The following MALRD1 variants were observed in gnomAD, a reference collection of about 807,000 sequenced individuals.
MALRD1 encodes the protein MAM and LDL receptor class A domain containing 1.
In MALRD1, 247 loss-of-function variants were observed where a neutral mutation model predicts 242.1. The ratio of observed to expected loss-of-function variants is 1.02; its 90% CI spans 0.92 to 1.13. The LOEUF is 1.13. Ranked by LOEUF, MALRD1 falls within the 50% of genes most tolerant of loss-of-function variation. MALRD1 has a pLI of 0.00. For synonymous variants in MALRD1, 995 were observed against 866.6 expected, an observed-to-expected ratio of 1.15 and a Z score of -2.60; for missense variants, 2,989 against 2,533.1, an observed-to-expected ratio of 1.18 and a Z score of -3.86.
chr10:19,252,849 G>C (rs1380508925), intron 18 of MALRD1, among the ~76,000 whole-genome samples: 1 of 151,968 alleles, frequency 6.6e-6, no homozygotes, highest in East Asian at 1.9e-4. Context: ...CCAAATCTGA[G>C]TTTTATTTCA....
At chr10:19,290,785 T>A (rs1378257207) in intron 21 of MALRD1, among the ~76,000 whole-genome samples, 1 of 152,208 alleles carries the variant, frequency 6.6e-6, no homozygotes, top group Non-Finnish European at 1.5e-5. Flanking sequence ...GATACTTGGA[T>A]CACCTAGAAT....
At chr10:19,516,288 C>T (rs1833623345) in intron 31 of MALRD1, among the ~76,000 whole-genome samples, 1 of 152,126 alleles carries the variant, frequency 6.6e-6, no homozygotes, top group Non-Finnish European at 1.5e-5. Context: ...TGCAAGTGCT[C>T]ATTTTTTTCA....
At chr10:19,684,555 A>G (rs946890981) in intron 36 of MALRD1, among the ~76,000 whole-genome samples, 11 of 152,142 alleles carry the variant, frequency 7.2e-5, no homozygotes, top group Admixed American at 6.5e-4. Flanking sequence ...CAGGATTTTG[A>G]GACCAGCCTG....
In MALRD1 at chr10:19,536,686, T is replaced by TA. The variant is rs894224367; in HGVS notation, c.5478+5345dup. Among the ~76,000 whole-genome samples, 38 of 149,982 alleles carry TA rather than the reference T, an allele frequency of 2.5e-4. No individual in the cohort carries two copies. The South Asian group carries it at 3.6e-3, about 14-fold the overall frequency. ...TTGGTGCTATGACCTTACAAAATAATAAAAAAAAAATTGAGTGACAGTCAG... is the reference window on the plus strand; with the variant it reads ...TTGGTGCTATGACCTTACAAAATAATAAAAAAAAAAATTGAGTGACAGTCAG... On this transcript the variant is annotated intron_variant, in intron 32 of 39. Coordinates refer to ENST00000454679, the MANE Select transcript of MALRD1 (RefSeq NM_001142308.3).
intron 29 of MALRD1, chr10:19,489,017 C>T (rs1215466048): frequency 2.2e-6 from 1 of 456,134 alleles, no homozygotes. Context: ...TCCCACCATC[C>T]CCCGCCAGGG....
At chr10:19,117,000 C>T (rs1389000121) in intron 5 of MALRD1, among the ~76,000 whole-genome samples, 1 of 150,590 alleles carries the variant, frequency 6.6e-6, no homozygotes, top group African/African-American at 2.4e-5. Flanking sequence ...GAGGCTGAGG[C>T]AGGAGAATCG....
intron 10 of MALRD1, among the ~76,000 whole-genome samples, chr10:19,141,095 A>G (rs1026289287): frequency 6.6e-6 from 1 of 152,226 alleles, no homozygotes; most frequent in Non-Finnish European, 1.5e-5. Flanking sequence ...AGCTTAAAAA[A>G]TTAATACATA....
At chr10:19,264,259 C>T (rs750108008) in intron 19 of MALRD1, among the ~76,000 whole-genome samples, 1 of 152,078 alleles carries the variant, frequency 6.6e-6, no homozygotes, top group Admixed American at 6.6e-5. Context: ...TGTTGAACCA[C>T]CTTTATGTCC....
At chr10:19,054,713 G>A (rs150508078) in intron 1 of MALRD1, among the ~76,000 whole-genome samples, 472 of 152,186 alleles carry the variant, frequency 3.1e-3, no homozygotes, top group African/African-American at 0.011. Context: ...AGGTTCATTC[G>A]TGTTGTCACG....
In MALRD1 at chr10:19,567,590, C is replaced by A. The variant is rs1564446635; in HGVS notation, c.5567C>A (p.Pro1856His). Reference protein sequence around the residue: ...KRTGWTYGSVPLSSNSPFKVA... With the variant: ...KRTGWTYGSVHLSSNSPFKVA... Reference sequence around the variant, plus strand: ...ACGGGATGGACATATGGCTCTGTGCCTCTCTCCAGTAACAGTCCGTTTAAG... The same window carrying A: ...ACGGGATGGACATATGGCTCTGTGCATCTCTCCAGTAACAGTCCGTTTAAG... Residue 1856 changes from proline (P) to histidine (H), a missense_variant, in exon 33 of 40, where the codon CCT (proline) becomes CAT (histidine). By Grantham distance (77) the Pro-to-His change is moderately conservative. Coordinates refer to ENST00000454679, the MANE Select transcript of MALRD1 (RefSeq NM_001142308.3). 2.6e-6 allele frequency: 4 copies of A among 1,550,414 alleles called. No individual in the cohort carries two copies. Among genetic ancestry groups the A allele is most frequent in the Non-Finnish European group, 3.5e-6 (4 of 1,146,956 alleles).
At chr10:19,655,173 GTTC>G (rs1479206931) in intron 36 of MALRD1, among the ~76,000 whole-genome samples, 1 of 151,942 alleles carries the variant, frequency 6.6e-6, no homozygotes, top group Non-Finnish European at 1.5e-5. Context: ...GTTGTTTTTT[GTTC>G]TTGTTGTTGT....
chr10:19,562,349 A>ATAGATAGT (rs1554800980), intron 32 of MALRD1, among the ~76,000 whole-genome samples: 1 of 137,674 alleles, frequency 7.3e-6, no homozygotes, highest in Admixed American at 7.3e-5. Context: ...AGATAGTTAG[A>ATAGATAGT]TAGATAGATA....
chr10:19,244,914 C>T (rs925254974), intron 18 of MALRD1, among the ~76,000 whole-genome samples: 4 of 152,168 alleles, frequency 2.6e-5, no homozygotes, highest in Non-Finnish European at 4.4e-5. Flanking sequence ...CTTCTCTGCA[C>T]CTCCCGTAGG....
intron 21 of MALRD1, among the ~76,000 whole-genome samples, chr10:19,299,198 T>C (rs772894572): frequency 2.6e-5 from 4 of 151,982 alleles, no homozygotes; most frequent in Non-Finnish European, 4.4e-5. Flanking sequence ...ATGTAAATCA[T>C]ATATTGATTA....
chr10:19,695,607 C>A (rs1383662942), intron 38 of MALRD1, among the ~76,000 whole-genome samples: 2 of 151,544 alleles, frequency 1.3e-5, no homozygotes, highest in African/African-American at 4.8e-5. Flanking sequence ...GCCACCTCCA[C>A]CACCTGAGTT....
chr10:19,287,853 A>G (rs1026461760), intron 21 of MALRD1, among the ~76,000 whole-genome samples: 1 of 152,066 alleles, frequency 6.6e-6, no homozygotes, highest in Non-Finnish European at 1.5e-5. Flanking sequence ...CTTGTTTTTT[A>G]TTAGGACTTG....
chr10:19,683,915 C>T (rs1165800961), intron 36 of MALRD1, among the ~76,000 whole-genome samples: 4 of 152,056 alleles, frequency 2.6e-5, no homozygotes. Flanking sequence ...TGTCCTAATG[C>T]TCTCCCTCCC....
chr10:19,496,972 T>A (rs10740910), intron 30 of MALRD1, among the ~76,000 whole-genome samples: 106,469 of 151,964 alleles, frequency 0.7, 37,873 homozygotes, highest in African/African-American at 0.83. Context: ...TGAGATTGAG[T>A]GAATGAAATG....
chr10:19,241,765 T>G (rs1838789924), intron 18 of MALRD1, among the ~76,000 whole-genome samples: 1 of 152,174 alleles, frequency 6.6e-6, no homozygotes, highest in Non-Finnish European at 1.5e-5. Context: ...TCATTCTTAC[T>G]TGTCTCAGTG....
Sources: gnomAD v4.1 joint callset for allele counts (sites outside exome capture counted in the v4.1 genomes callset) on GRCh38, gnomAD v4.1.1 for gene constraint, MANE v1.5 for transcripts, NCBI Gene and HGNC (gene_info 2026-07-23, HGNC 2026-07-21) for gene names.